The following UBE2L3 variants were observed in gnomAD, a reference collection of about 807,000 sequenced individuals.
The protein encoded by UBE2L3 is ubiquitin-conjugating enzyme E2 L3.
In UBE2L3, 1 loss-of-function variant was observed where a neutral mutation model predicts 17.8. That is an observed-to-expected ratio of 0.06 (90% CI 0.02 to 0.27). The LOEUF (loss-of-function observed/expected upper bound fraction) is 0.27, where lower values mean the gene tolerates loss of function less well. Among genes scored for constraint, UBE2L3 ranks in the 10% least tolerant of loss-of-function variants. The pLI, the probability that UBE2L3 is intolerant of heterozygous loss-of-function variation, is 1.00. For synonymous variants in UBE2L3, 44 were observed against 68.5 expected (o/e 0.64, Z 1.76); for missense variants, 40 against 192.6 (o/e 0.21, Z 4.69).
intron 3 of UBE2L3, among the ~76,000 whole-genome samples, chr22:21,618,159 C>T (rs894554837): frequency 2.6e-5 from 4 of 151,424 alleles, no homozygotes; most frequent in East Asian, 1.9e-4. Context: ...CCAGCCTGGG[C>T]GACAGAGTGA....
At chr22:21,568,369 A>C in intron 1 of UBE2L3, 2 of 985,460 alleles carry the variant, frequency 2.0e-6, no homozygotes, top group Non-Finnish European at 2.4e-6. Flanking sequence ...CTGCAGAGTC[A>C]CACAGCGGGT....
chr22:21,578,231 G>T (rs558510385), intron 1 of UBE2L3, among the ~76,000 whole-genome samples: 1 of 151,810 alleles, frequency 6.6e-6, no homozygotes, highest in Admixed American at 6.6e-5. Flanking sequence ...GTGGTGGTGG[G>T]CGCCTGTAGT....
upstream of UBE2L3, among the ~76,000 whole-genome samples, chr22:21,565,753 T>A (rs1421986931): frequency 1.3e-4 from 1 of 7,800 alleles, no homozygotes; most frequent in Non-Finnish European, 2.1e-4. Flanking sequence ...AAACTGTGTC[T>A]CAAAAAAAAA....
At chr22:21,573,801 A>T (rs1213179509) in intron 1 of UBE2L3, among the ~76,000 whole-genome samples, 1 of 152,086 alleles carries the variant, frequency 6.6e-6, no homozygotes, top group Non-Finnish European at 1.5e-5. Flanking sequence ...TTTGGGTTTT[A>T]GTTAGGCCAG....
At chr22:21,562,359 T>C (rs369160336) in intron 1 of UBE2L3, among the ~76,000 whole-genome samples, 14 of 149,098 alleles carry the variant, frequency 9.4e-5, no homozygotes, top group East Asian at 7.8e-4. Context: ...TGCACCCGGC[T>C]AATTTTTTCT....
chr22:21,598,195 A>ATGTGTGTGTGTGTGTG (rs371127802), intron 2 of UBE2L3, among the ~76,000 whole-genome samples: 261 of 148,506 alleles, frequency 1.8e-3, no homozygotes, highest in African/African-American at 6.0e-3. Flanking sequence ...GGTTTCATTA[A>ATGTGTGTGTGTGTGTG]TGTGTGTGTG....
chr22:21,590,354 C>T (rs1354741160), intron 1 of UBE2L3, among the ~76,000 whole-genome samples: 1 of 152,140 alleles, frequency 6.6e-6, no homozygotes, highest in African/African-American at 2.4e-5. Flanking sequence ...CCCACCACCA[C>T]ACCCGGCTGA....
At chr22:21,588,646 CT>C (rs1294436264) in intron 1 of UBE2L3, among the ~76,000 whole-genome samples, 1 of 150,486 alleles carries the variant, frequency 6.6e-6, no homozygotes, top group Admixed American at 6.6e-5. Flanking sequence ...TGCCTGGCTA[CT>C]TTTTTTTATT....
intron 1 of UBE2L3, among the ~76,000 whole-genome samples, chr22:21,580,882 G>A (rs894908252): frequency 6.7e-6 from 1 of 148,434 alleles, no homozygotes; most frequent in African/African-American, 2.5e-5. Flanking sequence ...ACCATGCCTG[G>A]CCTCTTTTCT....
intron 2 of UBE2L3, among the ~76,000 whole-genome samples, chr22:21,606,693 TA>T (rs1298256398): frequency 6.6e-6 from 1 of 151,750 alleles, no homozygotes; most frequent in East Asian, 1.9e-4. Context: ...CTATAAGAAA[TA>T]AAAAAATAGC....
chr22:21,576,801 CT>C (rs757829734), intron 1 of UBE2L3, among the ~76,000 whole-genome samples: 190 of 118,140 alleles, frequency 1.6e-3, no homozygotes, highest in Admixed American at 3.2e-3. Flanking sequence ...CTTCTCTTTC[CT>C]TTTTTTTTTT....
At chr22:21,590,957 T>C (rs574337102) in intron 1 of UBE2L3, among the ~76,000 whole-genome samples, 6 of 152,326 alleles carry the variant, frequency 3.9e-5, no homozygotes, top group South Asian at 2.1e-4. Context: ...CCTGCCCTTG[T>C]TGAGCTTACA....
chr22:21,563,579 C>CTTTTTTTT (rs536786477), upstream of UBE2L3, among the ~76,000 whole-genome samples: 1 of 133,582 alleles, frequency 7.5e-6, no homozygotes, highest in Non-Finnish European at 1.6e-5. Flanking sequence ...AAAATTAATA[C>CTTTTTTTT]TTTTTTTTTT....
intron 3 of UBE2L3, among the ~76,000 whole-genome samples, chr22:21,617,602 A>G (rs977254487): frequency 6.6e-6 from 1 of 152,140 alleles, no homozygotes; most frequent in African/African-American, 2.4e-5. Context: ...TTTTGCAGAA[A>G]AAAAAAGTAC....
At position 21,621,891 on chromosome 22, in the gene UBE2L3, T is replaced by C; in HGVS notation, c.*222T>C. On this transcript the variant is annotated 3_prime_UTR_variant, in exon 4 of 4. Coordinates refer to ENST00000342192, the MANE Select transcript of UBE2L3 (RefSeq NM_003347.4). ...ATGTTCTAGTTCTGCTCTCTTTGTT[T>C]TAAAAATCACTGCTTCAATCTACTT... 1 of 474,596 alleles carries C rather than the reference T, an allele frequency of 2.1e-6. No homozygotes were observed. The highest frequency in any genetic ancestry group is 4.0e-5 in the East Asian group (1 of 25,082). 29.4% of individuals were successfully genotyped at this position (474,596 alleles called of 1,614,324 possible). A position where few individuals can be genotyped will look rare whatever the true frequency, so the allele number is the denominator to read the frequency against.
chr22:21,597,515 T>C (rs2148427158), intron 2 of UBE2L3, among the ~76,000 whole-genome samples: 1 of 152,220 alleles, frequency 6.6e-6, no homozygotes, highest in East Asian at 1.9e-4. Flanking sequence ...CAGGCTAGTC[T>C]TGAACTCCCA....
intron 2 of UBE2L3, among the ~76,000 whole-genome samples, chr22:21,593,931 A>G (rs780670923): frequency 4.0e-5 from 6 of 151,548 alleles, no homozygotes; most frequent in Non-Finnish European, 5.9e-5. Flanking sequence ...GGACCCTACT[A>G]CTTTCGGCAT....
chr22:21,567,498 A>T, upstream of UBE2L3: 1 of 740,894 alleles, frequency 1.3e-6, no homozygotes, highest in Non-Finnish European at 2.1e-6. Context: ...TTATGCTCCT[A>T]CTATGTGCCA....
chr22:21,579,351 A>G (rs761705203), intron 1 of UBE2L3, among the ~76,000 whole-genome samples: 3 of 152,158 alleles, frequency 2.0e-5, no homozygotes, highest in South Asian at 2.1e-4. Context: ...CTGCTGACCT[A>G]TGGAAGGGAT....
Sources: allele counts gnomAD v4.1 joint callset (sites outside exome capture counted in the v4.1 genomes callset), GRCh38; gene constraint gnomAD v4.1.1; transcripts MANE v1.5; gene names NCBI Gene and HGNC (gene_info 2026-07-23, HGNC 2026-07-21).